The following CFAP221 variants were observed in gnomAD, a reference collection of about 807,000 sequenced individuals.
CFAP221 encodes the protein cilia- and flagella-associated protein 221.
In CFAP221, 97 loss-of-function variants were observed where a neutral mutation model predicts 113.1. That is an observed-to-expected ratio of 0.86 (90% CI 0.73 to 1.02). The LOEUF (loss-of-function observed/expected upper bound fraction) is 1.02, where lower values mean the gene tolerates loss of function less well. Among genes scored for constraint, CFAP221 ranks in the 50% least tolerant of loss-of-function variants. The pLI is 0.00. For synonymous variants in CFAP221, 331 were observed against 354.4 expected (o/e 0.93, Z 0.74); for missense variants, 1,025 against 1,013.4 (o/e 1.01, Z -0.16).
At chr2:119,610,006 C>T (rs1363717454) in intron 12 of CFAP221, among the ~76,000 whole-genome samples, 1 of 152,162 alleles carries the variant, frequency 6.6e-6, no homozygotes, top group Non-Finnish European at 1.5e-5. Context: ...AAATTTAGTT[C>T]CACATGTTCA....
At chr2:119,633,348 G>GAA (rs55885662) in intron 19 of CFAP221, among the ~76,000 whole-genome samples, 176 of 150,478 alleles carry the variant, frequency 1.2e-3, no homozygotes, top group African/African-American at 2.8e-3. Flanking sequence ...ATCCATAAAT[G>GAA]AAAAAAAAAT....
At position 119,630,603 on chromosome 2, in the gene CFAP221, C is replaced by T. The variant is rs766125050; in HGVS notation, c.1765C>T (p.Pro589Ser). ...ACTGTACAAAATTAAGAGATATCAGCCATTCTCTGTCCACAAGTCTTCAAC... is the reference window on the plus strand; with the variant it reads ...ACTGTACAAAATTAAGAGATATCAGTCATTCTCTGTCCACAAGTCTTCAAC... The part of the protein sequence containing the change: ...PQLYKIKRYQ[P>S]FSVHKSSTSY... The change falls in exon 18 of 24, where the codon CCA becomes TCA. Residue 589 changes from proline (P) to serine (S), a missense_variant. Physicochemically the swap from Pro to Ser is moderately conservative, Grantham distance 74. Transcript: ENST00000413369. 1.9e-6 allele frequency: 3 copies of T among 1,613,506 alleles called. No individual in the cohort carries two copies. Among genetic ancestry groups the T allele is most frequent in the South Asian group, 1.1e-5 (1 of 91,064 alleles).
chr2:119,657,675 T>G (rs910251750), downstream of CFAP221, among the ~76,000 whole-genome samples: 1 of 152,324 alleles, frequency 6.6e-6, no homozygotes, highest in East Asian at 1.9e-4. Flanking sequence ...CCGTTCAGTG[T>G]TCCAGGAGTC....
chr2:119,648,789 G>A (rs1687958537), intron 22 of CFAP221: 3 of 152,556 alleles, frequency 2.0e-5, no homozygotes, highest in Admixed American at 1.3e-4. Context: ...GGGAAAACAC[G>A]AGGAGGGGAC....
At chr2:119,570,184 T>C (rs1681941401) in intron 6 of CFAP221, among the ~76,000 whole-genome samples, 1 of 152,240 alleles carries the variant, frequency 6.6e-6, no homozygotes, top group South Asian at 2.1e-4. Flanking sequence ...TTAGTGAGCC[T>C]GTGCCTCTGG....
At chr2:119,616,902 G>T (rs1035854710) in intron 14 of CFAP221, among the ~76,000 whole-genome samples, 1 of 152,212 alleles carries the variant, frequency 6.6e-6, no homozygotes, top group East Asian at 1.9e-4. Context: ...TGTCACTTGT[G>T]TGTGACTTCC....
At chr2:119,627,539 A>G in intron 15 of CFAP221, 114 bp from the exon 16 acceptor site, 1 of 792,306 alleles carries the variant, frequency 1.3e-6, no homozygotes, top group Non-Finnish European at 2.0e-6. Flanking sequence ...ATATATATAT[A>G]TATATACACA....
chr2:119,651,192 G>C (rs1558674421), intron 22 of CFAP221, among the ~76,000 whole-genome samples: 1 of 152,166 alleles, frequency 6.6e-6, no homozygotes, highest in Non-Finnish European at 1.5e-5. Context: ...CTTTGCTCCA[G>C]CTGAAACCCA....
intron 10 of CFAP221, 74 bp downstream of exon 10, chr2:119,605,061 C>T: frequency 2.7e-6 from 4 of 1,495,338 alleles, no homozygotes; most frequent in Non-Finnish European, 2.8e-6. Context: ...CACTGATTAC[C>T]TATGAACAAC....
chr2:119,651,528 A>G lies in CFAP221; in HGVS notation c.2319-446A>G, dbSNP rs188933803. The stretch of plus-strand genomic sequence containing the variant: ...AAAAAACTAGACTATTTAGCAATAT[A>G]GTGTTTAATTTTAAAGCCATTGTGG... On this transcript the variant is annotated intron_variant, in intron 22 of 23. Coordinates refer to ENST00000413369, the MANE Select transcript of CFAP221 (RefSeq NM_001271049.2). 8.1e-4 allele frequency among the ~76,000 whole-genome samples: 123 copies of G among 151,546 alleles called. 1 individual carries two copies. The highest frequency in any genetic ancestry group is 1.5e-3 in the Non-Finnish European group (101 of 67,898).
intron 21 of CFAP221, among the ~76,000 whole-genome samples, chr2:119,641,671 C>A (rs992662892): frequency 6.6e-6 from 1 of 152,170 alleles, no homozygotes; most frequent in Non-Finnish European, 1.5e-5. Flanking sequence ...TAGCATCATG[C>A]CTGGTGCATG....
chr2:119,629,466 G>A (rs1686609166), intron 16 of CFAP221, among the ~76,000 whole-genome samples: 1 of 152,222 alleles, frequency 6.6e-6, no homozygotes, highest in African/African-American at 2.4e-5. Flanking sequence ...ATGGAGGTGA[G>A]CTGCCTGGGA....
At chr2:119,652,888 A>G (rs1357949973) in intron 23 of CFAP221, among the ~76,000 whole-genome samples, 1 of 149,722 alleles carries the variant, frequency 6.7e-6, no homozygotes, top group African/African-American at 2.4e-5. Context: ...AAAAACAACC[A>G]TCCAAAGGTA....
At chr2:119,636,439 T>A (rs1266355085) in intron 19 of CFAP221, among the ~76,000 whole-genome samples, 1 of 152,210 alleles carries the variant, frequency 6.6e-6, no homozygotes, top group African/African-American at 2.4e-5. Flanking sequence ...GGGGTATGTG[T>A]GTACCATTTC....
intron 3 of CFAP221, 74 bp downstream of exon 3, chr2:119,549,259 C>A: frequency 8.3e-7 from 1 of 1,202,310 alleles, no homozygotes; most frequent in Non-Finnish European, 1.2e-6. Flanking sequence ...ATATTATTCA[C>A]TTATCTAAAG....
chr2:119,598,127 GA>G (rs1302768438), intron 7 of CFAP221, among the ~76,000 whole-genome samples: 1 of 152,036 alleles, frequency 6.6e-6, no homozygotes, highest in African/African-American at 2.4e-5. Flanking sequence ...GATCTTTGAA[GA>G]AAAAATTATT....
At chr2:119,643,672 T>C (rs1398271456) in intron 21 of CFAP221, among the ~76,000 whole-genome samples, 1 of 152,104 alleles carries the variant, frequency 6.6e-6, no homozygotes, top group Non-Finnish European at 1.5e-5. Context: ...GCCTCCTGAG[T>C]AGCTAGGACT....
At chr2:119,605,311 G>T in intron 11 of CFAP221, 22 bp downstream of exon 11, 2 of 1,559,528 alleles carry the variant, frequency 1.3e-6, no homozygotes, top group East Asian at 4.5e-5. Context: ...GCAATTGTTT[G>T]TATCAAGTGT....
At chr2:119,546,649 T>C (rs1680072939) in intron 2 of CFAP221, among the ~76,000 whole-genome samples, 1 of 152,154 alleles carries the variant, frequency 6.6e-6, no homozygotes, top group African/African-American at 2.4e-5. Flanking sequence ...ACAGTCCCCC[T>C]TGCATACAGA....
Sources: gnomAD v4.1 joint callset for allele counts (sites outside exome capture counted in the v4.1 genomes callset) on GRCh38, gnomAD v4.1.1 for gene constraint, MANE v1.5 for transcripts, NCBI Gene and HGNC (gene_info 2026-07-23, HGNC 2026-07-21) for gene names.